The following WWOX variants were observed in gnomAD, a reference collection of about 807,000 sequenced individuals.
WWOX encodes the protein WW domain-containing oxidoreductase.
In WWOX, 69 loss-of-function variants were observed where a neutral mutation model predicts 46.2. The observed-to-expected ratio is 1.49, with a 90% CI of 1.23 to 1.82. WWOX has a LOEUF of 1.82. WWOX is among the 40% of genes most tolerant of loss of function. The probability of loss-of-function intolerance (pLI) is 0.00; values close to 1 mark genes in which losing one functional copy is unlikely to be tolerated. For missense variants in WWOX, 919 were observed against 542.6 expected (o/e 1.69, Z -6.89); for synonymous variants, 359 against 202.6 (o/e 1.77, Z -6.56).
chr16:78,336,965 C>T (rs996364554), intron 5 of WWOX, among the ~76,000 whole-genome samples: 1 of 151,836 alleles, frequency 6.6e-6, no homozygotes, highest in African/African-American at 2.4e-5. Flanking sequence ...TTTTTTAGTA[C>T]AGACGGGGTT....
At chr16:78,795,766 A>G (rs1207426776) in intron 8 of WWOX, among the ~76,000 whole-genome samples, 2 of 152,168 alleles carry the variant, frequency 1.3e-5, no homozygotes, top group Non-Finnish European at 2.9e-5. Flanking sequence ...AATGGGGACA[A>G]TACTGACATC....
chr16:78,406,337 TATATATATA>T (rs1567553424), intron 6 of WWOX, among the ~76,000 whole-genome samples: 7 of 103,182 alleles, frequency 6.8e-5, no homozygotes, highest in Non-Finnish European at 1.1e-4. Context: ...TATATATATA[TATATATATA>T]TATATATATT....
chr16:79,147,455 G>C lies in WWOX; in HGVS notation c.1057-64153G>C, dbSNP rs144868305. On this transcript the variant is annotated intron_variant, in intron 8 of 8. Transcript: ENST00000566780. ...GCTTGTTTAATTTCATTGCTCAGTA[G>C]TATTCCATGGTATTGTACATATAAG... 4.5e-3 allele frequency among the ~76,000 whole-genome samples: 692 copies of C among 152,266 alleles called. 3 individuals carry two copies. Among genetic ancestry groups the C allele is most frequent in the Admixed American group, 8.9e-3 (136 of 15,292 alleles).
At chr16:78,585,156 C>G (rs2045164402) in intron 8 of WWOX, among the ~76,000 whole-genome samples, 1 of 152,232 alleles carries the variant, frequency 6.6e-6, no homozygotes, top group Non-Finnish European at 1.5e-5. Context: ...ATGTACAAGG[C>G]TGTGGTTCTG....
chr16:78,770,974 G>T (rs2050050043), intron 8 of WWOX, among the ~76,000 whole-genome samples: 1 of 152,224 alleles, frequency 6.6e-6, no homozygotes, highest in Admixed American at 6.5e-5. Flanking sequence ...CTCTAAAAAG[G>T]TGACATTTGG....
chr16:78,188,115 A>G (rs2035766168), intron 5 of WWOX, among the ~76,000 whole-genome samples: 1 of 152,224 alleles, frequency 6.6e-6, no homozygotes, highest in Admixed American at 6.5e-5. Flanking sequence ...TATGAAATTT[A>G]GTACTTGTCA....
intron 8 of WWOX, among the ~76,000 whole-genome samples, chr16:78,479,130 C>A (rs138560144): frequency 9.9e-4 from 150 of 152,232 alleles, no homozygotes; most frequent in African/African-American, 3.2e-3. Context: ...AAAAAATAAA[C>A]ATACATCTTG....
intron 8 of WWOX, among the ~76,000 whole-genome samples, chr16:78,450,674 TG>T (rs1745511696): frequency 6.6e-6 from 1 of 152,212 alleles, no homozygotes; most frequent in African/African-American, 2.4e-5. Flanking sequence ...GTCTGTTTTT[TG>T]ATCTTAGAAC....
chr16:78,551,103 A>C (rs1328797564), intron 8 of WWOX: 1 of 152,238 alleles, frequency 6.6e-6, no homozygotes, highest in Non-Finnish European at 1.5e-5. Flanking sequence ...TGAAACAAAT[A>C]TCGTGAATAT....
At chr16:79,074,287 A>G (rs116562377) in intron 8 of WWOX, among the ~76,000 whole-genome samples, 2,159 of 152,110 alleles carry the variant, frequency 0.014, 62 homozygotes, top group African/African-American at 0.05. Flanking sequence ...CTGGGTTTCT[A>G]ATGATGGTTG....
chr16:79,089,528 C>T (rs550436140), intron 8 of WWOX, among the ~76,000 whole-genome samples: 3 of 152,088 alleles, frequency 2.0e-5, no homozygotes, highest in East Asian at 1.9e-4. Context: ...GACAGGGTTT[C>T]TCCATATTGG....
intron 5 of WWOX, among the ~76,000 whole-genome samples, chr16:78,236,795 G>A (rs916799053): frequency 6.6e-6 from 1 of 152,042 alleles, no homozygotes; most frequent in Non-Finnish European, 1.5e-5. Context: ...GTGTTCCTAC[G>A]GCTGGGCCCG....
intron 8 of WWOX, among the ~76,000 whole-genome samples, chr16:79,146,038 T>G (rs1185749193): frequency 6.6e-6 from 1 of 152,190 alleles, no homozygotes; most frequent in Non-Finnish European, 1.5e-5. Flanking sequence ...TAACCCTTAG[T>G]TCTTTGATAA....
At chr16:79,182,793 C>G (rs1173019751) in intron 8 of WWOX, among the ~76,000 whole-genome samples, 1 of 152,134 alleles carries the variant, frequency 6.6e-6, no homozygotes, top group Admixed American at 6.5e-5. Context: ...ACACTTCGTG[C>G]CTGGCACAGA....
chr16:79,006,739 C>T (rs1476793696), intron 8 of WWOX, among the ~76,000 whole-genome samples: 1 of 152,120 alleles, frequency 6.6e-6, no homozygotes, highest in Non-Finnish European at 1.5e-5. Context: ...ACCCTTGCGT[C>T]TTCCGTTTCT....
chr16:79,011,792 C>G, intron 8 of WWOX, among the ~76,000 whole-genome samples: 1 of 151,806 alleles, frequency 6.6e-6, no homozygotes, highest in African/African-American at 2.4e-5. Context: ...CATGCCCGGC[C>G]CCCTTTTTTA....
At chr16:78,484,151 C>T (rs1261001121) in intron 8 of WWOX, among the ~76,000 whole-genome samples, 1 of 152,164 alleles carries the variant, frequency 6.6e-6, no homozygotes, top group Non-Finnish European at 1.5e-5. Flanking sequence ...TTTGTATAAA[C>T]ATATGAATTT....
chr16:78,300,249 A>G (rs1464902781), intron 5 of WWOX, among the ~76,000 whole-genome samples: 1 of 152,208 alleles, frequency 6.6e-6, no homozygotes, highest in African/African-American at 2.4e-5. Context: ...CATGGAGAAT[A>G]TTCTGAGGCT....
intron 8 of WWOX, among the ~76,000 whole-genome samples, chr16:78,453,943 C>G (rs2083751555): frequency 6.6e-6 from 1 of 152,100 alleles, no homozygotes; most frequent in Non-Finnish European, 1.5e-5. Flanking sequence ...TCTACCAAGT[C>G]CAACTTGTAG....
Sources: gnomAD v4.1 joint callset for allele counts (sites outside exome capture counted in the v4.1 genomes callset) on GRCh38, gnomAD v4.1.1 for gene constraint, MANE v1.5 for transcripts, NCBI Gene and HGNC (gene_info 2026-07-23, HGNC 2026-07-21) for gene names.